CACNA1B: variants seen among roughly 807,000 people sequenced by gnomAD.
CACNA1B encodes the protein voltage-dependent N-type calcium channel subunit alpha-1B.
A neutral mutation model predicts 247.2 loss-of-function variants in CACNA1B; 70 were observed. The observed-to-expected ratio is 0.28, with a 90% CI of 0.23 to 0.35. The LOEUF is 0.35. Among genes scored for constraint, CACNA1B ranks in the 10% least tolerant of loss-of-function variants. CACNA1B has a pLI of 1.00. For synonymous variants in CACNA1B, 1,231 were observed against 1,294.4 expected (o/e 0.95, Z 1.05); for missense variants, 2,367 against 3,197.4 (o/e 0.74, Z 6.26).
rs1330001979 is a variant in CACNA1B, at chr9:138,050,451, G to T, written c.3710+1136G>T. Among the ~76,000 whole-genome samples, 1 of 152,244 alleles carries T rather than the reference G, an allele frequency of 6.6e-6. No homozygotes were observed. Among genetic ancestry groups the T allele is most frequent in the African/African-American group, 2.4e-5 (1 of 41,472 alleles). ...GACATCGCGAGGCGCTCCCGGTGCA[G>T]CTCCTCTCTGGAAGAGCGGCATTCT... On this transcript the variant is annotated intron_variant, in intron 24 of 46. Coordinates refer to ENST00000371372, the MANE Select transcript of CACNA1B (RefSeq NM_000718.4). The surrounding 1 kb of genome is among the most constrained non-coding windows in gnomAD (Gnocchi z 5.2).
At position 138,059,163 on chromosome 9, in the gene CACNA1B, C is replaced by A; in HGVS notation, c.4558C>A (p.Leu1520Met). 1 of 1,610,536 alleles carries A rather than the reference C, an allele frequency of 6.2e-7. No homozygotes were observed. Among genetic ancestry groups the A allele is most frequent in the Admixed American group, 1.7e-5 (1 of 59,966 alleles). ...FTSMFSMECV[L>M]KIIAFGVLNY... ...ATCCATGTTCTCCATGGAATGCGTGCTGAAGATCATCGCCTTTGGGGTGCT... is the reference window on the plus strand; with the variant it reads ...ATCCATGTTCTCCATGGAATGCGTGATGAAGATCATCGCCTTTGGGGTGCT... Residue 1520 changes from leucine to methionine, a missense_variant, in exon 30 of 47, where the codon CTG (leucine) becomes ATG (methionine). Coordinates refer to ENST00000371372, the MANE Select transcript of CACNA1B (RefSeq NM_000718.4). This position sits in a 1 kb window ranked among gnomAD's most constrained non-coding sequence, Gnocchi z 4.2.
intron 13 of CACNA1B, among the ~76,000 whole-genome samples, chr9:137,984,963 G>A (rs2133381250): frequency 6.6e-6 from 1 of 152,324 alleles, no homozygotes; most frequent in Admixed American, 6.5e-5. Context: ...CCTCACAGCA[G>A]TCTCATCGGC....
Position 138,072,737 on chromosome 9 carries a change from A to C in CACNA1B, c.4675-751A>C, listed in dbSNP as rs1313122631. Reference sequence around the variant, plus strand: ...TGCCCTGGGGCCACGTGGAGGCTTTACTGCCAGGTAATCTGTGGAGTCCCA... The same window carrying C: ...TGCCCTGGGGCCACGTGGAGGCTTTCCTGCCAGGTAATCTGTGGAGTCCCA... On this transcript the variant is annotated intron_variant, in intron 32 of 46. Coordinates refer to ENST00000371372, the MANE Select transcript of CACNA1B (RefSeq NM_000718.4). The surrounding 1 kb of genome is among the most constrained non-coding windows in gnomAD (Gnocchi z 4.5). Among the ~76,000 whole-genome samples, 1 of 152,258 alleles carries C rather than the reference A, an allele frequency of 6.6e-6. No homozygotes were observed. Among genetic ancestry groups the C allele is most frequent in the East Asian group, 1.9e-4 (1 of 5,192 alleles).
chr9:138,115,145 C>A lies in CACNA1B; in HGVS notation c.5650-407C>A, dbSNP rs151057185. 2.4e-4 allele frequency among the ~76,000 whole-genome samples: 37 copies of A among 152,286 alleles called. 1 individual carries two copies. The highest frequency in any genetic ancestry group is 7.9e-4 in the African/African-American group (33 of 41,548). ...CAGCAGTCTTCCCCAGCCCTGAAAT[C>A]TCGGAATTTTGCTCAGCCCAACCCT... is the stretch of plus-strand genomic sequence containing the variant. On this transcript the variant is annotated intron_variant, in intron 41 of 46. Transcript: ENST00000371372.
intron 10 of CACNA1B, among the ~76,000 whole-genome samples, chr9:137,963,991 T>A (rs1303530610): frequency 6.6e-6 from 1 of 152,230 alleles, no homozygotes; most frequent in African/African-American, 2.4e-5. Context: ...GGATTTGGAA[T>A]TCTTTTAAGA....
chr9:138,075,793 C>T (rs200885352), intron 34 of CACNA1B, 26 bp from the exon 35 acceptor site: 24 of 1,491,072 alleles, frequency 1.6e-5, no homozygotes, highest in South Asian at 5.8e-5. Context: ...CAGCAGGGTC[C>T]GTGCCATTGC....
Position 138,050,082 on chromosome 9 carries a change from G to A in CACNA1B, c.3710+767G>A, listed in dbSNP as rs564335437. 4.8e-5 allele frequency: 62 copies of A among 1,289,592 alleles called. No homozygotes were observed. The African/African-American group carries it at 7.0e-4, about 15-fold the overall frequency. 79.9% of individuals were successfully genotyped at this position (1,289,592 alleles called of 1,614,324 possible). ...TCTTGCTGGACTCGGCAGGAGCTTC[G>A]TGGGGTAATGCCTTCTCTCCCCCAC... On this transcript the variant is annotated intron_variant, in intron 24 of 46. Transcript: ENST00000371372. This position sits in a 1 kb window ranked among gnomAD's most constrained non-coding sequence, Gnocchi z 5.2.
chr9:137,903,502 G>A (rs569479456), intron 3 of CACNA1B, among the ~76,000 whole-genome samples: 1 of 152,168 alleles, frequency 6.6e-6, no homozygotes, highest in Non-Finnish European at 1.5e-5. Context: ...CAGAGGAGGG[G>A]TTTAATGTCT....
At chr9:138,023,898 C>T (rs1291179867) in intron 19 of CACNA1B, 87 bp downstream of exon 19, 43 of 685,542 alleles carry the variant, frequency 6.3e-5, no homozygotes, top group South Asian at 3.8e-4. Context: ...ATGGGGTCCA[C>T]GGCGGAGGCT....
chr9:138,010,497 C>G lies in CACNA1B; in HGVS notation c.2160+420C>G, dbSNP rs375329702. 1.7e-4 allele frequency among the ~76,000 whole-genome samples: 26 copies of G among 152,284 alleles called. No homozygotes were observed. The highest frequency in any genetic ancestry group is 1.5e-3 in the East Asian group (8 of 5,188). On this transcript the variant is annotated intron_variant, in intron 17 of 46. Transcript: ENST00000371372. This position sits in a 1 kb window ranked among gnomAD's most constrained non-coding sequence, Gnocchi z 5.3. ...TGGTGGGGGATGCAATTGTACATGTCTCCCTCTGTGATATCCCTCCGGATG... is the reference window on the plus strand; with the variant it reads ...TGGTGGGGGATGCAATTGTACATGTGTCCCTCTGTGATATCCCTCCGGATG...
chr9:137,926,258 T>C (rs1198418949), intron 6 of CACNA1B, among the ~76,000 whole-genome samples: 2 of 151,306 alleles, frequency 1.3e-5, no homozygotes, highest in Admixed American at 1.3e-4. Flanking sequence ...TTAGTAGAGA[T>C]GGGGTTTCAC....
intron 6 of CACNA1B, among the ~76,000 whole-genome samples, chr9:137,935,438 C>CT (rs912579414): frequency 3.3e-5 from 5 of 152,130 alleles, no homozygotes; most frequent in African/African-American, 4.8e-5. Flanking sequence ...TGAAATCATC[C>CT]TTTTTTATGG....
At position 138,103,233 on chromosome 9, in the gene CACNA1B, G is replaced by A. The variant is rs12686672; in HGVS notation, c.5319+426G>A. Among the ~76,000 whole-genome samples, 399 of 152,294 alleles carry A rather than the reference G, an allele frequency of 2.6e-3. 4 individuals are homozygous for A. In the East Asian group the frequency reaches 0.037, roughly 14 times the overall value. On this transcript the variant is annotated intron_variant, in intron 38 of 46. Transcript: ENST00000371372. ...ATGGATGGAGCTGTCCAGCCCTCTG[G>A]GTCTGGCCCTGGGGGCAGGTGGGGC... is the stretch of plus-strand genomic sequence containing the variant.
chr9:137,930,896 A>T (rs1957599998), intron 6 of CACNA1B, among the ~76,000 whole-genome samples: 1 of 152,004 alleles, frequency 6.6e-6, no homozygotes, highest in African/African-American at 2.4e-5. Context: ...TCTGATATTA[A>T]TCTAGCCACT....
At chr9:138,094,641 A>G (rs1961000401) in intron 36 of CACNA1B, among the ~76,000 whole-genome samples, 1 of 152,168 alleles carries the variant, frequency 6.6e-6, no homozygotes, top group Non-Finnish European at 1.5e-5. Flanking sequence ...CAACAAAAAT[A>G]CTAGCAAACT....
chr9:137,999,706 C>G (rs2133400428), intron 15 of CACNA1B, among the ~76,000 whole-genome samples: 1 of 152,010 alleles, frequency 6.6e-6, no homozygotes, highest in South Asian at 2.1e-4. Flanking sequence ...CGTGGTCTCA[C>G]AATGTTGCCC....
rs146810362 is a variant in CACNA1B, at chr9:138,045,434, T to G, written c.3414-1470T>G. ...TACTCATAGTGTTGAGGTTTGGAAGTCAGGTGCGTATGGAGGAATTTTAGA... is the reference window on the plus strand; with the variant it reads ...TACTCATAGTGTTGAGGTTTGGAAGGCAGGTGCGTATGGAGGAATTTTAGA... On this transcript the variant is annotated intron_variant, in intron 21 of 46. Transcript: ENST00000371372. Among the ~76,000 whole-genome samples, 259 of 152,196 alleles carry G rather than the reference T, an allele frequency of 1.7e-3. 1 individual carries two copies. Among genetic ancestry groups the G allele is most frequent in the African/African-American group, 5.4e-3 (226 of 41,532 alleles).
chr9:138,094,831 TTGTCTTTCTTTCCA>T (rs1299664872), intron 36 of CACNA1B, among the ~76,000 whole-genome samples: 2 of 152,240 alleles, frequency 1.3e-5, no homozygotes, highest in East Asian at 3.8e-4. Context: ...GGGGAAAGAA[TTGTCTTTCTTTCCA>T]TGATAATTCA....
rs571056224 is a variant in CACNA1B, at chr9:137,952,767, G to A, written c.1070+390G>A. Among the ~76,000 whole-genome samples, 3 of 143,140 alleles carry A rather than the reference G, an allele frequency of 2.1e-5. No homozygotes were observed. The East Asian group carries it at 6.9e-4, about 33-fold the overall frequency. The allele number at this position is 143,140 out of a possible 152,430, so 93.9% of individuals were successfully genotyped here. A position where few individuals can be genotyped will look rare whatever the true frequency, so the allele number is the denominator to read the frequency against. ...TCTGTATTGGGAGGTTGGTCTGGGT[G>A]GATGGGAGGTGTGGTCTGTGATGGG... On this transcript the variant is annotated intron_variant, in intron 7 of 46. Coordinates refer to ENST00000371372, the MANE Select transcript of CACNA1B (RefSeq NM_000718.4). This position sits in a 1 kb window ranked among gnomAD's most constrained non-coding sequence, Gnocchi z 4.8.
Sources: gnomAD v4.1 joint callset for allele counts (sites outside exome capture counted in the v4.1 genomes callset) on GRCh38, gnomAD v4.1.1 for gene constraint, Gnocchi (gnomAD v3.1) non-coding constraint, MANE v1.5 for transcripts, NCBI Gene and HGNC (gene_info 2026-07-23, HGNC 2026-07-21) for gene names.